Variants in HSCB observed in about 807,000 individuals in gnomAD.
The protein encoded by HSCB is iron-sulfur cluster co-chaperone protein HscB.
In HSCB, 23 loss-of-function variants were observed where a neutral mutation model predicts 31.3. That is an observed-to-expected ratio of 0.74 (90% CI 0.53 to 1.04). The LOEUF is 1.04. Ranked by LOEUF, HSCB falls within the 50% of genes least tolerant of loss-of-function variation. The probability of loss-of-function intolerance (pLI) is 0.00; values close to 1 mark genes in which losing one functional copy is unlikely to be tolerated. For synonymous variants in HSCB, 110 were observed against 104.5 expected, an observed-to-expected ratio of 1.05 and a Z score of -0.32; for missense variants, 297 against 288.1, an observed-to-expected ratio of 1.03 and a Z score of -0.22.
intron 5 of HSCB, among the ~76,000 whole-genome samples, chr22:28,756,633 TA>T (rs985260947): frequency 4.6e-5 from 7 of 151,950 alleles, no homozygotes; most frequent in Non-Finnish European, 8.8e-5. Context: ...CATGCCTGGC[TA>T]ATTTTTTATT....
intron 4 of HSCB, among the ~76,000 whole-genome samples, chr22:28,747,311 G>GT (rs1055354745): frequency 1.1e-4 from 16 of 151,690 alleles, no homozygotes; most frequent in African/African-American, 2.9e-4. Flanking sequence ...GTTGGTTTTT[G>GT]TTTTTTTTGA....
chr22:28,750,943 G>GTTTTTTTTTTTTT (rs1202821377), intron 4 of HSCB, among the ~76,000 whole-genome samples: 10 of 62,044 alleles, frequency 1.6e-4, no homozygotes, highest in Non-Finnish European at 2.5e-4. Context: ...GTATATCTTT[G>GTTTTTTTTTTTTT]TCTTTTTTTT....
At chr22:28,744,739 T>C (rs1465114556) in intron 3 of HSCB, 35 bp downstream of exon 3, 2 of 1,494,932 alleles carry the variant, frequency 1.3e-6, no homozygotes, top group African/African-American at 2.8e-5. Context: ...GTGTATGACG[T>C]CCTGATGCCC....
chr22:28,747,229 C>G (rs2029902523), intron 4 of HSCB, among the ~76,000 whole-genome samples: 1 of 152,224 alleles, frequency 6.6e-6, no homozygotes, highest in Non-Finnish European at 1.5e-5. Context: ...AGAGTAACAT[C>G]TGTTACTTAA....
At position 28,757,164 on chromosome 22, in the gene HSCB, C is replaced by G. The variant is rs766521958; in HGVS notation, c.703C>G (p.Leu235Val). ...AAAGATCAAGTTAAAGAAGATTCCC[C>G]TTTAATTGTGGATAGTTTAAAGTTT... is the stretch of plus-strand genomic sequence containing the variant. The part of the protein sequence containing the change: ...EEKIKLKKIP[L>V] Residue 235 changes from leucine to valine, a missense_variant, in exon 6 of 6, where the codon CTT (leucine) becomes GTT (valine). Leu to Val is a conservative substitution (Grantham distance 32). Transcript: ENST00000216027. 4 of 1,461,960 alleles carry G rather than the reference C, an allele frequency of 2.7e-6. No individual in the cohort carries two copies. The East Asian group carries it at 9.1e-5, about 33-fold the overall frequency. The allele number at this position is 1,461,960 out of a possible 1,614,324, so 90.6% of individuals were successfully genotyped here. A position where few individuals can be genotyped will look rare whatever the true frequency, so the allele number is the denominator to read the frequency against.
intron 4 of HSCB, among the ~76,000 whole-genome samples, chr22:28,747,823 A>G (rs755345270): frequency 1.3e-4 from 20 of 152,122 alleles, no homozygotes; most frequent in Non-Finnish European, 2.5e-4. Flanking sequence ...TGGAGTTTAT[A>G]TATGTCAACT....
chr22:28,744,707 A>C lies in HSCB; in HGVS notation c.423+3A>C. The C allele has an allele frequency of 1.2e-6, 2 of 1,608,916 alleles. No individual in the cohort carries two copies. Among genetic ancestry groups the C allele is most frequent in the Non-Finnish European group, 1.7e-6 (2 of 1,175,250 alleles). Reference sequence around the variant, plus strand: ...CCCTGAGCAGAGGACTGTACCTTGTAAGGTGATTTCCCAACACTTCTGTGT... The same window carrying C: ...CCCTGAGCAGAGGACTGTACCTTGTCAGGTGATTTCCCAACACTTCTGTGT... On this transcript the variant is annotated splice_donor_region_variant and intron_variant, in intron 3 of 5. Transcript: ENST00000216027.
Position 28,742,279 on chromosome 22 carries a change from C to A in HSCB, c.184C>A (p.Arg62=), listed in dbSNP as rs769374790. Residue 62 remains arginine (R), a synonymous_variant, in exon 1 of 6, where the codon CGA becomes AGA. Coordinates refer to ENST00000216027, the MANE Select transcript of HSCB (RefSeq NM_172002.5). ...GGACAGGTTCTTCTGCCCACAGTGC[C>A]GAGCGCTGCAGGCACCTGACCCCAC... ...REDRFFCPQC[R]ALQAPDPTRD... The A allele has an allele frequency of 8.7e-6, 14 of 1,614,000 alleles. No individual in the cohort carries two copies. In the African/African-American group the frequency reaches 1.9e-4, roughly 22 times the overall value.
At chr22:28,746,258 G>A (rs549334503) in intron 4 of HSCB, among the ~76,000 whole-genome samples, 2 of 151,772 alleles carry the variant, frequency 1.3e-5, no homozygotes, top group Admixed American at 6.6e-5. Flanking sequence ...GCGGGTGCCT[G>A]TAGTCCCAGC....
intron 5 of HSCB, among the ~76,000 whole-genome samples, chr22:28,751,611 G>GGT (rs2146219596): frequency 6.6e-6 from 1 of 152,172 alleles, no homozygotes; most frequent in South Asian, 2.1e-4. Flanking sequence ...TGGGTGTGGT[G>GGT]GCACAACGCC....
chr22:28,750,943 G>GTTTTTTTTTTTTTTTTTTTTTTTTT (rs1202821377), intron 4 of HSCB, among the ~76,000 whole-genome samples: 1 of 62,050 alleles, frequency 1.6e-5, no homozygotes, highest in African/African-American at 6.0e-5. Flanking sequence ...GTATATCTTT[G>GTTTTTTTTTTTTTTTTTTTTTTTTT]TCTTTTTTTT....
chr22:28,754,531 G>A (rs891129449), intron 5 of HSCB, among the ~76,000 whole-genome samples: 1 of 151,952 alleles, frequency 6.6e-6, no homozygotes, highest in African/African-American at 2.4e-5. Flanking sequence ...TTAGCCAGGT[G>A]TGATGATGCA....
chr22:28,749,031 C>T (rs1392994576), intron 4 of HSCB, among the ~76,000 whole-genome samples: 2 of 151,768 alleles, frequency 1.3e-5, no homozygotes, highest in African/African-American at 4.8e-5. Context: ...GTCCCTGCTA[C>T]TCGAGAGGCT....
intron 4 of HSCB, among the ~76,000 whole-genome samples, chr22:28,749,162 T>C (rs939768210): frequency 6.6e-6 from 1 of 151,970 alleles, no homozygotes; most frequent in Non-Finnish European, 1.5e-5. Flanking sequence ...AAAAAAACTT[T>C]TAAGTGGCTT....
At chr22:28,751,309 T>C (rs202076644) in intron 5 of HSCB, 21 bp downstream of exon 5, 86 of 1,503,658 alleles carry the variant, frequency 5.7e-5, no homozygotes, top group Non-Finnish European at 7.5e-5. Flanking sequence ...TTCTTCACTT[T>C]CTTAAATATG....
intron 4 of HSCB, among the ~76,000 whole-genome samples, chr22:28,748,059 C>T (rs2029951908): frequency 6.6e-6 from 1 of 152,194 alleles, no homozygotes; most frequent in Non-Finnish European, 1.5e-5. Context: ...TTAGCACACG[C>T]CTGTAGTGCC....
intron 4 of HSCB, among the ~76,000 whole-genome samples, chr22:28,750,258 A>G (rs1350303321): frequency 6.7e-6 from 1 of 149,474 alleles, no homozygotes; most frequent in Non-Finnish European, 1.5e-5. Flanking sequence ...AAAAAAAAAA[A>G]AAAAAAAAAA....
At position 28,753,493 on chromosome 22, in the gene HSCB, A is replaced by G. The variant is rs1055622398; in HGVS notation, c.616+2205A>G. The stretch of plus-strand genomic sequence containing the variant: ...CAGTGAGCTGAGATCGCACCATTGC[A>G]CTCCAGCCTGGGCGACAAGAGAAAA... On this transcript the variant is annotated intron_variant, in intron 5 of 5. Transcript: ENST00000216027. 6.7e-5 allele frequency among the ~76,000 whole-genome samples: 10 copies of G among 150,106 alleles called. No homozygotes were observed. In the Admixed American group the frequency reaches 6.7e-4, roughly 10 times the overall value.
intron 1 of HSCB, 56 bp downstream of exon 1, chr22:28,742,387 C>A: frequency 6.3e-7 from 1 of 1,590,798 alleles, no homozygotes; most frequent in South Asian, 1.1e-5. Context: ...CGAGGTCTGG[C>A]CTGCGAGAGG....
Sources: gnomAD v4.1 joint callset for allele counts (sites outside exome capture counted in the v4.1 genomes callset) on GRCh38, gnomAD v4.1.1 for gene constraint, MANE v1.5 for transcripts, NCBI Gene and HGNC (gene_info 2026-07-23, HGNC 2026-07-21) for gene names.